Variants in PLCXD3 observed in about 807,000 individuals in gnomAD.
The protein encoded by PLCXD3 is PI-PLC X domain-containing protein 3.
PLCXD3 carries 19 observed loss-of-function variants against 25.5 expected under a neutral mutation model. The ratio of observed to expected loss-of-function variants is 0.75; its 90% CI spans 0.52 to 1.09. The LOEUF (loss-of-function observed/expected upper bound fraction) is 1.09, where lower values mean the gene tolerates loss of function less well. Among genes scored for constraint, PLCXD3 ranks in the 50% least tolerant of loss-of-function variants. The pLI is 0.00. For synonymous variants in PLCXD3, 174 were observed against 137.6 expected (o/e 1.26, Z -1.85); for missense variants, 411 against 388.1 (o/e 1.06, Z -0.50).
chr5:41,479,916 CTAAT>C (rs1748361786), intron 1 of PLCXD3, among the ~76,000 whole-genome samples: 1 of 151,940 alleles, frequency 6.6e-6, no homozygotes, highest in Non-Finnish European at 1.5e-5. Context: ...AATATAGAAA[CTAAT>C]TATTAAATGT....
At chr5:41,346,970 G>A (rs1398999169) in intron 2 of PLCXD3, among the ~76,000 whole-genome samples, 4 of 152,128 alleles carry the variant, frequency 2.6e-5, no homozygotes, top group African/African-American at 9.7e-5. Flanking sequence ...CAACATCCAC[G>A]TGCAGGTTTT....
chr5:41,363,224 AC>A (rs1300240318), intron 2 of PLCXD3, among the ~76,000 whole-genome samples: 1 of 152,158 alleles, frequency 6.6e-6, no homozygotes, highest in Non-Finnish European at 1.5e-5. Context: ...GTGGAAATAA[AC>A]CGTTTATTAA....
intron 1 of PLCXD3, among the ~76,000 whole-genome samples, chr5:41,396,598 G>C (rs1490906373): frequency 6.6e-6 from 1 of 152,178 alleles, no homozygotes; most frequent in African/African-American, 2.4e-5. Context: ...CCTTAGAACT[G>C]GGTAATGGGC....
At chr5:41,349,230 A>G (rs1193076705) in intron 2 of PLCXD3, among the ~76,000 whole-genome samples, 2 of 152,162 alleles carry the variant, frequency 1.3e-5, no homozygotes, top group East Asian at 3.8e-4. Context: ...AGCAAGATTT[A>G]TTTCTTAAAA....
At chr5:41,348,827 A>T (rs920228273) in intron 2 of PLCXD3, among the ~76,000 whole-genome samples, 1 of 152,068 alleles carries the variant, frequency 6.6e-6, no homozygotes, top group Non-Finnish European at 1.5e-5. Flanking sequence ...AGACTTTTAA[A>T]CCTCCTGGGA....
At chr5:41,323,997 C>T (rs1246432625) in intron 2 of PLCXD3, among the ~76,000 whole-genome samples, 2 of 152,044 alleles carry the variant, frequency 1.3e-5, no homozygotes, top group Admixed American at 6.6e-5. Flanking sequence ...GTCTTATATG[C>T]AGGACAGAGA....
At chr5:41,439,059 G>A (rs914824847) in intron 1 of PLCXD3, among the ~76,000 whole-genome samples, 2 of 152,098 alleles carry the variant, frequency 1.3e-5, no homozygotes, top group Non-Finnish European at 2.9e-5. Context: ...CGTAGTTTAC[G>A]GTGGAGCTCA....
chr5:41,329,844 TATC>T (rs10578293), intron 2 of PLCXD3, among the ~76,000 whole-genome samples: 12,553 of 149,456 alleles, frequency 0.084, 809 homozygotes, highest in East Asian at 0.35. Context: ...TATAGTTGAT[TATC>T]ATTTTATTAA....
intron 2 of PLCXD3, among the ~76,000 whole-genome samples, chr5:41,367,488 GT>G (rs369781382): frequency 1.1e-3 from 173 of 152,018 alleles, no homozygotes; most frequent in Non-Finnish European, 2.0e-3. Context: ...TTTTAATGGG[GT>G]TGTTTTTTTC....
At chr5:41,414,643 C>G (rs999167358) in intron 1 of PLCXD3, among the ~76,000 whole-genome samples, 5 of 152,118 alleles carry the variant, frequency 3.3e-5, no homozygotes, top group African/African-American at 1.2e-4. Flanking sequence ...TTTTGCCTTC[C>G]GCAATTTCAG....
intron 1 of PLCXD3, among the ~76,000 whole-genome samples, chr5:41,435,241 T>G (rs1365503826): frequency 1.3e-5 from 2 of 152,202 alleles, no homozygotes; most frequent in African/African-American, 4.8e-5. Context: ...ATCATTTTTA[T>G]GAAGATGGTG....
rs1247171250 is a variant in PLCXD3 at position 41,312,099 on chromosome 5, T to TA, written c.*1517_*1518insT. 2 of 152,460 alleles carry TA rather than the reference T, an allele frequency of 1.3e-5. No homozygotes were observed. 9.4% of individuals were successfully genotyped at this position (152,460 alleles called of 1,614,324 possible). On this transcript the variant is annotated 3_prime_UTR_variant, in exon 3 of 3. Transcript: ENST00000377801. ...AGGATTATTGTGCTCTAAGTTTTTT[T>TA]TTTTTATTTTTTAGAGTTGTCAAAT...
chr5:41,343,998 C>G (rs1321608211), intron 2 of PLCXD3, among the ~76,000 whole-genome samples: 2 of 151,978 alleles, frequency 1.3e-5, no homozygotes, highest in Non-Finnish European at 2.9e-5. Context: ...TGTATTTGCT[C>G]TAACTTTTAA....
intron 1 of PLCXD3, among the ~76,000 whole-genome samples, chr5:41,463,232 A>G (rs1409414937): frequency 6.1e-5 from 9 of 148,020 alleles, no homozygotes; most frequent in East Asian, 5.8e-4. Flanking sequence ...GGTACCTTCT[A>G]GACAATAAAA....
intron 1 of PLCXD3, among the ~76,000 whole-genome samples, chr5:41,393,346 G>T (rs1745894748): frequency 6.6e-6 from 1 of 152,166 alleles, no homozygotes; most frequent in Non-Finnish European, 1.5e-5. Flanking sequence ...ATGAAATGCA[G>T]CTCCAATATG....
At chr5:41,424,057 ATTAT>A (rs1746891780) in intron 1 of PLCXD3, among the ~76,000 whole-genome samples, 1 of 152,126 alleles carries the variant, frequency 6.6e-6, no homozygotes, top group Admixed American at 6.5e-5. Flanking sequence ...ATCTCCAGAA[ATTAT>A]TTGTCTTGCA....
intron 2 of PLCXD3, among the ~76,000 whole-genome samples, chr5:41,371,138 G>A (rs1217249216): frequency 6.6e-6 from 1 of 152,212 alleles, no homozygotes; most frequent in East Asian, 1.9e-4. Context: ...AAATGGTCTG[G>A]GCTTTTGCAT....
intron 1 of PLCXD3, among the ~76,000 whole-genome samples, chr5:41,420,875 C>A (rs551995556): frequency 6.6e-6 from 1 of 152,296 alleles, no homozygotes; most frequent in East Asian, 1.9e-4. Flanking sequence ...CTTCTCTCTG[C>A]AATCATGTGA....
chr5:41,410,141 CT>C (rs5867553), intron 1 of PLCXD3, among the ~76,000 whole-genome samples: 87,541 of 121,254 alleles, frequency 0.72, 30,739 homozygotes, highest in Non-Finnish European at 0.75. Context: ...TTTTATTTAT[CT>C]TTTTTTTTTT....
Sources: gnomAD v4.1 joint callset for allele counts (sites outside exome capture counted in the v4.1 genomes callset) on GRCh38, gnomAD v4.1.1 for gene constraint, MANE v1.5 for transcripts, NCBI Gene and HGNC (gene_info 2026-07-23, HGNC 2026-07-21) for gene names.